The following FABP12 variants were observed in gnomAD, a reference collection of about 807,000 sequenced individuals.
The protein encoded by FABP12 is fatty acid binding protein 12, also known as fatty acid-binding protein 12.
A neutral mutation model predicts 13.7 loss-of-function variants in FABP12; 19 were observed. The ratio of observed to expected loss-of-function variants is 1.39; its 90% CI spans 0.97 to 2.04. The LOEUF is 2.04. FABP12 is among the 30% of genes most tolerant of loss of function. The pLI is 0.00. For missense variants in FABP12, 182 were observed against 164.2 expected, an observed-to-expected ratio of 1.11 and a Z score of -0.59; for synonymous variants, 61 against 57.0, an observed-to-expected ratio of 1.07 and a Z score of -0.32.
chr8:81,532,317 A>C (rs1278879966), intron 1 of FABP12, among the ~76,000 whole-genome samples: 1 of 152,254 alleles, frequency 6.6e-6, no homozygotes, highest in Non-Finnish European at 1.5e-5. Flanking sequence ...AGAAATACTG[A>C]AGTTATAAAA....
intron 2 of FABP12, among the ~76,000 whole-genome samples, chr8:81,530,232 C>T (rs1809029655): frequency 6.6e-6 from 1 of 152,110 alleles, no homozygotes; most frequent in Non-Finnish European, 1.5e-5. Context: ...TTTCAACTTG[C>T]TTTTTCCCCT....
At chr8:81,566,782 C>T (rs1490631293) in intron 1 of FABP12, among the ~76,000 whole-genome samples, 1 of 152,038 alleles carries the variant, frequency 6.6e-6, no homozygotes, top group Non-Finnish European at 1.5e-5. Context: ...CAATATTATT[C>T]AGTATAGTAC....
chr8:81,534,088 C>T (rs1054776067), upstream of FABP12, among the ~76,000 whole-genome samples: 2 of 152,040 alleles, frequency 1.3e-5, no homozygotes, highest in African/African-American at 4.8e-5. Context: ...ATGATGCTCA[C>T]CCACACACAT....
chr8:81,541,569 C>A (rs1314318467), intron 1 of FABP12, among the ~76,000 whole-genome samples: 1 of 152,110 alleles, frequency 6.6e-6, no homozygotes, highest in Non-Finnish European at 1.5e-5. Flanking sequence ...GAGGCTCAGA[C>A]CATATCTTGT....
intron 1 of FABP12, among the ~76,000 whole-genome samples, chr8:81,548,639 T>C (rs1028262807): frequency 2.6e-5 from 4 of 152,136 alleles, no homozygotes; most frequent in Non-Finnish European, 5.9e-5. Flanking sequence ...TCCCACAAGG[T>C]CGGGCCTCTC....
Position 81,545,496 on chromosome 8 carries a change from T to C in FABP12, c.-184-5753A>G, listed in dbSNP as rs74577132. Among the ~76,000 whole-genome samples the C allele has an allele frequency of 3.9e-3, 600 of 152,338 alleles. 4 individuals are homozygous for C. The highest frequency in any genetic ancestry group is 0.013 in the African/African-American group (551 of 41,582). ...TCCAGTGAAAGAGCTGGAATTAGTC[T>C]AGCATTTTGAAAAGATTTGTGGTCA... On this transcript the variant is annotated intron_variant, in intron 1 of 5. Transcript: ENST00000692030.
intron 1 of FABP12, among the ~76,000 whole-genome samples, chr8:81,574,895 A>T (rs1810007459): frequency 6.7e-6 from 1 of 149,684 alleles, no homozygotes; most frequent in Non-Finnish European, 1.5e-5. Flanking sequence ...CTTTTAAAGA[A>T]CCAGCTTTTT....
intron 1 of FABP12, among the ~76,000 whole-genome samples, chr8:81,577,834 T>G (rs1773031094): frequency 6.6e-6 from 1 of 152,256 alleles, no homozygotes; most frequent in African/African-American, 2.4e-5. Flanking sequence ...TGAGCCAGAA[T>G]AGGGAACAAG....
chr8:81,541,913 A>T (rs1464582809), intron 1 of FABP12, among the ~76,000 whole-genome samples: 5 of 93,500 alleles, frequency 5.3e-5, no homozygotes, highest in Admixed American at 2.7e-4. Context: ...CAGGGTTTAA[A>T]AAAAAAAAAA....
At chr8:81,564,721 A>T (rs921724086) in intron 1 of FABP12, among the ~76,000 whole-genome samples, 3 of 152,108 alleles carry the variant, frequency 2.0e-5, no homozygotes, top group Non-Finnish European at 4.4e-5. Context: ...CAATTAAAAG[A>T]TACAACCATA....
intron 3 of FABP12, among the ~76,000 whole-genome samples, chr8:81,528,281 G>T (rs7013537): frequency 1.3e-5 from 2 of 151,824 alleles, no homozygotes; most frequent in African/African-American, 4.9e-5. Context: ...ATCCTGCTAT[G>T]TTGTTCAGGC....
chr8:81,533,589 C>A (rs1442346877), intron 1 of FABP12, among the ~76,000 whole-genome samples: 1 of 152,206 alleles, frequency 6.6e-6, no homozygotes, highest in Non-Finnish European at 1.5e-5. Flanking sequence ...CTCAAGTCCC[C>A]CCCACATCCC....
chr8:81,569,262 A>G (rs1288273003), intron 1 of FABP12, among the ~76,000 whole-genome samples: 2 of 152,198 alleles, frequency 1.3e-5, no homozygotes, highest in African/African-American at 4.8e-5. Flanking sequence ...AAAATTTTTC[A>G]AAAAGTATTT....
intron 4 of FABP12, among the ~76,000 whole-genome samples, chr8:81,525,515 C>CAAA (rs201121273): frequency 2.1e-5 from 2 of 95,590 alleles, no homozygotes; most frequent in Admixed American, 1.0e-4. Flanking sequence ...GACTCCGTCT[C>CAAA]AAAAAAAAAA....
At chr8:81,576,494 CACAA>C (rs1407600925) in intron 1 of FABP12, among the ~76,000 whole-genome samples, 6 of 151,838 alleles carry the variant, frequency 4.0e-5, no homozygotes, top group African/African-American at 4.8e-5. Context: ...TTATATATAA[CACAA>C]ACACACACAC....
chr8:81,540,908 C>T (rs532529067), intron 1 of FABP12, among the ~76,000 whole-genome samples: 1 of 152,124 alleles, frequency 6.6e-6, no homozygotes, highest in South Asian at 2.1e-4. Flanking sequence ...TGGCTCACAC[C>T]TGTAATCCCA....
At chr8:81,533,185 G>T (rs1480880044) in intron 1 of FABP12, 1 of 152,178 alleles carries the variant, frequency 6.6e-6, no homozygotes, top group East Asian at 1.9e-4. Context: ...CCCATGTATG[G>T]CTTCTATCTC....
intron 1 of FABP12, among the ~76,000 whole-genome samples, chr8:81,543,908 A>AAG (rs1409566390): frequency 6.6e-6 from 1 of 152,104 alleles, no homozygotes; most frequent in Non-Finnish European, 1.5e-5. Flanking sequence ...TTTTATAGGA[A>AAG]AGAGAGAGAG....
intron 2 of FABP12, among the ~76,000 whole-genome samples, chr8:81,530,155 C>T (rs1449084441): frequency 6.6e-6 from 1 of 152,110 alleles, no homozygotes; most frequent in Non-Finnish European, 1.5e-5. Context: ...GTATTGAGAA[C>T]ATCACAATGT....
Sources: gnomAD v4.1 joint callset for allele counts (sites outside exome capture counted in the v4.1 genomes callset) on GRCh38, gnomAD v4.1.1 for gene constraint, MANE v1.5 for transcripts, NCBI Gene and HGNC (gene_info 2026-07-23, HGNC 2026-07-21) for gene names.